The following MED24 variants were observed in gnomAD, a reference collection of about 807,000 sequenced individuals.
The protein encoded by MED24 is mediator complex subunit 24, also known as mediator of RNA polymerase II transcription subunit 24.
MED24 carries 74 observed loss-of-function variants against 118.8 expected under a neutral mutation model. The observed-to-expected ratio is 0.62, with a 90% CI of 0.52 to 0.76. MED24 has a LOEUF of 0.76. Ranked by LOEUF, MED24 falls within the 30% of genes least tolerant of loss-of-function variation. MED24 has a pLI of 0.00. For synonymous variants in MED24, 521 were observed against 523.9 expected (o/e 0.99, Z 0.08); for missense variants, 1,041 against 1,278.9 (o/e 0.81, Z 2.84).
Position 40,020,297 on chromosome 17 carries a change from G to T in MED24, c.2680C>A (p.Arg894=). The change falls in exon 24 of 26, where the codon CGG becomes AGG. Residue 894 remains arginine, a synonymous_variant. Coordinates refer to ENST00000394128, the MANE Select transcript of MED24 (RefSeq NM_014815.4). ...CCCAGGACTCGGTTCAGAGGGTCCC[G>T]CATGTTGACCGTGTGGAGCTGAGAG... is the stretch of plus-strand genomic sequence containing the variant. ...SASQLHTVNM[R]DPLNRVLANL... is the part of the protein sequence containing the mutation. 1 of 1,576,100 alleles carries T rather than the reference G, an allele frequency of 6.3e-7. No homozygotes were observed. The highest frequency in any genetic ancestry group is 8.6e-7 in the Non-Finnish European group (1 of 1,161,468).
At chr17:40,045,330 T>C (rs959905639) in intron 3 of MED24, among the ~76,000 whole-genome samples, 1 of 151,938 alleles carries the variant, frequency 6.6e-6, no homozygotes, top group African/African-American at 2.4e-5. Context: ...ATGCCTGTAA[T>C]CCCAGCTACT....
intron 11 of MED24, 121 bp from the exon 12 acceptor site, chr17:40,031,366 AG>A (rs1983355840): frequency 8.1e-7 from 1 of 1,238,858 alleles, no homozygotes; most frequent in Non-Finnish European, 1.2e-6. Context: ...GGAGTGCCTG[AG>A]GGACGGTAGA....
rs1289916244 is a variant in MED24, at chr17:40,047,978, C to A, written c.213+5320G>T. Among the ~76,000 whole-genome samples, 4 of 152,238 alleles carry A rather than the reference C, an allele frequency of 2.6e-5. No individual in the cohort carries two copies. The East Asian group carries it at 5.8e-4, about 22-fold the overall frequency. On this transcript the variant is annotated intron_variant, in intron 3 of 25. Transcript: ENST00000394128. ...CTTCTGACCTCAGGTGATACACTCG[C>A]CTCGGCCTCCCAAAGTGCTGGGATT...
chr17:40,026,800 C>T (rs1031844172), intron 17 of MED24, 54 bp from the exon 18 acceptor site: 8 of 1,610,734 alleles, frequency 5.0e-6, no homozygotes, highest in South Asian at 2.2e-5. Context: ...GCTCAGGGAG[C>T]GGGTCTTGAC....
At chr17:40,054,250 ACCACC>A (rs1986121405) in intron 1 of MED24, 106 bp downstream of exon 1, 1 of 154,836 alleles carries the variant, frequency 6.5e-6, no homozygotes. Flanking sequence ...TCCCTTGGCC[ACCACC>A]ATTCCAAGTC....
In MED24 at chr17:40,022,768, G is replaced by C. The variant is rs761322250; in HGVS notation, c.2309C>G (p.Ser770Cys). 2 of 1,613,758 alleles carry C rather than the reference G, an allele frequency of 1.2e-6. No homozygotes were observed. Among genetic ancestry groups the C allele is most frequent in the African/African-American group, 1.3e-5 (1 of 74,880 alleles). ...HTLRAVELLY[S>C]IFCLDMQQVT... ...TTGCTGCATGTCCAGGCAGAAGATG[G>C]AGTAGAGCAGCTCCACTGCCCGCAG... Residue 770 changes from serine (S) to cysteine (C), a missense_variant, in exon 21 of 26, where the codon TCC (serine) becomes TGC (cysteine). Ser to Cys is a moderately radical substitution (Grantham distance 112, BLOSUM62 -1). Transcript: ENST00000394128.
chr17:40,042,878 CAAAGT>C (rs939940569), intron 3 of MED24, among the ~76,000 whole-genome samples: 7 of 152,106 alleles, frequency 4.6e-5, no homozygotes, highest in African/African-American at 9.7e-5. Context: ...ATGGATCAAA[CAAAGT>C]AAATACAAAA....
At chr17:40,023,027 C>T (rs1255920173) in intron 20 of MED24, 104 bp downstream of exon 20, 3 of 1,480,792 alleles carry the variant, frequency 2.0e-6, no homozygotes, top group South Asian at 1.3e-5. Flanking sequence ...GGGGAGGCCA[C>T]CTGGCTCACG....
intron 3 of MED24, among the ~76,000 whole-genome samples, chr17:40,036,412 C>T (rs1339866415): frequency 2.6e-5 from 4 of 152,090 alleles, no homozygotes; most frequent in Non-Finnish European, 5.9e-5. Context: ...TGTTTCAGGC[C>T]GAGCATGGTG....
At chr17:40,047,417 T>G (rs1985348388) in intron 3 of MED24, among the ~76,000 whole-genome samples, 1 of 150,774 alleles carries the variant, frequency 6.6e-6, no homozygotes, top group Non-Finnish European at 1.5e-5. Context: ...ATCCCAGCAC[T>G]TTGGGAGGCT....
Position 40,026,259 on chromosome 17 carries a change from C to T in MED24, c.1882G>A (p.Val628Ile), listed in dbSNP as rs532514222. ...CGCTCATCCAGCCCCAGCATCCGGACGTGGGCCACAAGCCAAGCCACAGCA... is the reference window on the plus strand; with the variant it reads ...CGCTCATCCAGCCCCAGCATCCGGATGTGGGCCACAAGCCAAGCCACAGCA... Reference protein sequence around the residue: ...VCAVAWLVAHVRMLGLDEREK... With the variant: ...VCAVAWLVAHIRMLGLDEREK... Residue 628 changes from valine to isoleucine, a missense_variant, in exon 19 of 26, where the codon GTC becomes ATC. This residue lies in a region of MED24 where 587 missense variants were observed against 694.4 expected (regional missense o/e 0.85). Transcript: ENST00000394128. 9.9e-6 allele frequency: 16 copies of T among 1,614,174 alleles called. No individual in the cohort carries two copies. The highest frequency in any genetic ancestry group is 4.5e-5 in the East Asian group (2 of 44,888).
Position 40,023,401 on chromosome 17 carries a change from G to A in MED24, c.1986-6C>T, listed in dbSNP as rs1195153353. 3.2e-6 allele frequency: 5 copies of A among 1,578,550 alleles called. No homozygotes were observed. In the Admixed American group the frequency reaches 5.2e-5, roughly 16 times the overall value. On this transcript the variant is annotated splice_polypyrimidine_tract_variant and splice_region_variant and intron_variant, in intron 19 of 25. Coordinates refer to ENST00000394128, the MANE Select transcript of MED24 (RefSeq NM_014815.4). ...TCGAGTTCATGATCACCACCCTGGG[G>A]GAGGGCCGAGAGAACCTGAGGCTCA...
At chr17:40,038,320 A>G (rs1440091528) in intron 3 of MED24, among the ~76,000 whole-genome samples, 1 of 152,164 alleles carries the variant, frequency 6.6e-6, no homozygotes, top group African/African-American at 2.4e-5. Flanking sequence ...TTACCTTAAA[A>G]TAAATTTCTG....
At chr17:40,049,098 TAGG>T (rs1385237625) in intron 3 of MED24, among the ~76,000 whole-genome samples, 1 of 151,696 alleles carries the variant, frequency 6.6e-6, no homozygotes, top group Non-Finnish European at 1.5e-5. Context: ...TCCCAGCCTT[TAGG>T]AGGACAAGGA....
rs375810751 is a variant in MED24 at position 40,033,244 on chromosome 17, G to A, written c.672-38C>T. 8.7e-6 allele frequency: 14 copies of A among 1,612,530 alleles called. No individual in the cohort carries two copies. In the Admixed American group the frequency reaches 1.0e-4, roughly 12 times the overall value. ...AAACACAGGGGACGGTGTTTGGGGG[G>A]CCAAAGGTGAAGGCGGAGAGGATGG... On this transcript the variant is annotated intron_variant, in intron 7 of 25. Transcript: ENST00000394128. This position sits in a 1 kb window ranked among gnomAD's most constrained non-coding sequence, Gnocchi z 5.2.
chr17:40,022,546 G>A (rs1459305583), intron 21 of MED24, 62 bp from the exon 22 acceptor site: 6 of 1,594,914 alleles, frequency 3.8e-6, no homozygotes, highest in Non-Finnish European at 5.1e-6. Flanking sequence ...TTCTGTGTCT[G>A]ACTGGGCTCC....
chr17:40,024,545 C>G (rs1982420201), intron 19 of MED24, among the ~76,000 whole-genome samples: 1 of 151,918 alleles, frequency 6.6e-6, no homozygotes, highest in Non-Finnish European at 1.5e-5. Context: ...AAAATAAGTA[C>G]ATAAATAAAT....
chr17:40,027,540 G>A, intron 15 of MED24, 75 bp from the exon 16 acceptor site: 3 of 1,436,668 alleles, frequency 2.1e-6, no homozygotes, highest in South Asian at 1.2e-5. Flanking sequence ...CAGGGATCGG[G>A]ATTTGCCTCT....
Position 40,029,749 on chromosome 17 carries a change from T to C in MED24, c.1265A>G (p.Lys422Arg). The C allele has an allele frequency of 2.5e-6, 4 of 1,613,362 alleles. No homozygotes were observed. Among genetic ancestry groups the C allele is most frequent in the Non-Finnish European group, 3.4e-6 (4 of 1,179,312 alleles). The change falls in exon 13 of 26, where the codon AAG becomes AGG. Residue 422 changes from lysine to arginine, a missense_variant and splice_region_variant. Transcript: ENST00000394128. ...RAEPTVTNIL[K>R]TMDADHSKSP... ...GTGGCCAGGGAAGGGCACACTCACC[T>C]TGAGGATGTTTGTGACAGTGGGCTC...
Sources: gnomAD v4.1 joint callset for allele counts (sites outside exome capture counted in the v4.1 genomes callset) on GRCh38, gnomAD v4.1.1 for gene constraint, gnomAD v4.1.1 regional missense constraint, Gnocchi (gnomAD v3.1) non-coding constraint, MANE v1.5 for transcripts, NCBI Gene and HGNC (gene_info 2026-07-23, HGNC 2026-07-21) for gene names.